DOCK1: variants seen among roughly 807,000 people sequenced by gnomAD.
The protein encoded by DOCK1 is dedicator of cytokinesis 1.
DOCK1 carries 138 observed loss-of-function variants against 262.7 expected under a neutral mutation model. The ratio of observed to expected loss-of-function variants is 0.53; its 90% CI spans 0.46 to 0.61. DOCK1 has a LOEUF of 0.61. Among genes scored for constraint, DOCK1 ranks in the 20% least tolerant of loss-of-function variants. The probability of loss-of-function intolerance (pLI) is 0.00; values close to 1 mark genes in which losing one functional copy is unlikely to be tolerated. For missense variants in DOCK1, 1,908 were observed against 2,370.7 expected, an observed-to-expected ratio of 0.80 and a Z score of 4.05; for synonymous variants, 866 against 867.4, an observed-to-expected ratio of 1.00 and a Z score of 0.03.
At chr10:127,445,226 G>A (rs1045817079) in intron 50 of DOCK1, among the ~76,000 whole-genome samples, 2 of 152,140 alleles carry the variant, frequency 1.3e-5, no homozygotes, top group Non-Finnish European at 2.9e-5. Flanking sequence ...GGATGGGGAC[G>A]GCAGCAGAAC....
intron 38 of DOCK1, among the ~76,000 whole-genome samples, chr10:127,393,766 C>T (rs61176465): frequency 0.055 from 8,301 of 152,186 alleles, 662 homozygotes; most frequent in East Asian, 0.28. Flanking sequence ...GCCTTTCCAC[C>T]GTTTTTTAAA....
At chr10:126,978,259 C>T (rs562531264) in intron 3 of DOCK1, among the ~76,000 whole-genome samples, 20 of 152,170 alleles carry the variant, frequency 1.3e-4, no homozygotes, top group African/African-American at 4.3e-4. Context: ...ATTTTGTGTC[C>T]TTTTTAGGTC....
At chr10:127,387,076 G>A (rs1565048154) in intron 38 of DOCK1, among the ~76,000 whole-genome samples, 1 of 152,208 alleles carries the variant, frequency 6.6e-6, no homozygotes, top group Non-Finnish European at 1.5e-5. Context: ...TGGGGTGGCC[G>A]GGAGGCCCGA....
chr10:127,430,431 A>G (rs1452215529), intron 47 of DOCK1, among the ~76,000 whole-genome samples: 1 of 152,164 alleles, frequency 6.6e-6, no homozygotes, highest in Non-Finnish European at 1.5e-5. Flanking sequence ...TTCCATGGTG[A>G]GGAGAAGCAG....
At chr10:127,314,726 A>G (rs562587521) in intron 29 of DOCK1, among the ~76,000 whole-genome samples, 10 of 152,328 alleles carry the variant, frequency 6.6e-5, no homozygotes, top group African/African-American at 1.4e-4. Flanking sequence ...TAGTCTTCCC[A>G]GACTTCTTCA....
Position 126,998,265 on chromosome 10 carries a change from T to C in DOCK1, c.767+16T>C. Reference sequence around the variant, plus strand: ...AATTCATCAGGTGGGTGACATTTCTTGGCTGCCGTCTTTCCTCTTTGGTTA... The same window carrying C: ...AATTCATCAGGTGGGTGACATTTCTCGGCTGCCGTCTTTCCTCTTTGGTTA... On this transcript the variant is annotated intron_variant, in intron 8 of 51. Coordinates refer to ENST00000623213, the MANE Select transcript of DOCK1 (RefSeq NM_001290223.2). 1 of 1,613,324 alleles carries C rather than the reference T, an allele frequency of 6.2e-7. No homozygotes were observed. The highest frequency in any genetic ancestry group is 8.5e-7 in the Non-Finnish European group (1 of 1,179,330).
intron 48 of DOCK1, among the ~76,000 whole-genome samples, chr10:127,436,898 C>A (rs896859809): frequency 1.3e-5 from 2 of 151,984 alleles, no homozygotes; most frequent in African/African-American, 4.8e-5. Context: ...TTGTACCTTG[C>A]ACTTGGTTGA....
chr10:126,908,795 A>T lies in DOCK1; in HGVS notation c.46+3232A>T, dbSNP rs183803649. The stretch of plus-strand genomic sequence containing the variant: ...ACTCAGCTGTCACACTGGCCAGATG[A>T]TCTTTTCTCTCACAGCCCAGTAGGC... On this transcript the variant is annotated intron_variant, in intron 1 of 51. Coordinates refer to ENST00000623213, the MANE Select transcript of DOCK1 (RefSeq NM_001290223.2). Among the ~76,000 whole-genome samples the T allele has an allele frequency of 1.6e-3, 242 of 152,232 alleles. 1 individual carries two copies. Among genetic ancestry groups the T allele is most frequent in the Non-Finnish European group, 2.7e-3 (185 of 68,022 alleles).
intron 30 of DOCK1, among the ~76,000 whole-genome samples, chr10:127,341,327 G>A (rs1374014751): frequency 6.6e-6 from 1 of 152,184 alleles, no homozygotes; most frequent in African/African-American, 2.4e-5. Context: ...AGCTAGCAGA[G>A]TCGCTACTTT....
At chr10:126,907,127 A>G (rs987715821) in intron 1 of DOCK1, among the ~76,000 whole-genome samples, 22 of 42,294 alleles carry the variant, frequency 5.2e-4, no homozygotes, top group Non-Finnish European at 9.7e-4. Context: ...TCTGCATCAG[A>G]GGCGAGAGGT....
At chr10:126,993,468 T>C (rs530861021) in intron 6 of DOCK1, among the ~76,000 whole-genome samples, 1 of 152,342 alleles carries the variant, frequency 6.6e-6, no homozygotes, top group African/African-American at 2.4e-5. Flanking sequence ...TCACTGACCC[T>C]GCCTGTACCA....
intron 38 of DOCK1, among the ~76,000 whole-genome samples, chr10:127,401,372 C>T (rs2067216326): frequency 2.6e-5 from 4 of 152,188 alleles, no homozygotes. Context: ...AGGCAAGTTT[C>T]AGAGCAGGAG....
At chr10:126,960,274 A>G (rs1397866959) in intron 1 of DOCK1, among the ~76,000 whole-genome samples, 1 of 151,898 alleles carries the variant, frequency 6.6e-6, no homozygotes, top group Non-Finnish European at 1.5e-5. Flanking sequence ...TGCAGGTGTG[A>G]GGTACAGAGA....
intron 13 of DOCK1, among the ~76,000 whole-genome samples, chr10:127,022,558 G>T (rs2042512889): frequency 6.6e-6 from 1 of 151,948 alleles, no homozygotes; most frequent in African/African-American, 2.4e-5. Flanking sequence ...ACGCCCAGTA[G>T]CTAATTTTTG....
chr10:126,975,249 A>G (rs2038431449), intron 2 of DOCK1, among the ~76,000 whole-genome samples: 1 of 152,082 alleles, frequency 6.6e-6, no homozygotes, highest in Admixed American at 6.6e-5. Context: ...CTCCCCGGGT[A>G]TGAGCACTTA....
At chr10:127,077,266 G>T (rs963580549) in intron 23 of DOCK1, among the ~76,000 whole-genome samples, 2 of 151,956 alleles carry the variant, frequency 1.3e-5, no homozygotes, top group African/African-American at 2.4e-5. Flanking sequence ...GTGGTGGTGG[G>T]CTCCTGTAAT....
chr10:127,317,835 C>G (rs553835019), intron 29 of DOCK1, among the ~76,000 whole-genome samples: 1 of 152,280 alleles, frequency 6.6e-6, no homozygotes. Context: ...TGGAAGATAC[C>G]TGAGCTCTTA....
In DOCK1 at chr10:127,052,695, T is replaced by A; in HGVS notation, c.2216T>A (p.Val739Glu). The A allele has an allele frequency of 2.5e-6, 4 of 1,613,990 alleles. No homozygotes were observed. Among genetic ancestry groups the A allele is most frequent in the Non-Finnish European group, 2.5e-6 (3 of 1,179,888 alleles). The stretch of plus-strand genomic sequence containing the variant: ...ATTGTGAATAGGAAGTTGACAAAAG[T>A]GTTGAAGAACTACGTGGACGGTGCT... ...ATLAYTKLTK[V>E]LKNYVDGAEK... The change falls in exon 22 of 52, where the codon GTG (valine) becomes GAG (glutamate). Residue 739 changes from valine (V) to glutamate (E), a missense_variant. This residue lies in a region of DOCK1 where 518 missense variants were observed against 575.1 expected (regional missense o/e 0.90). Coordinates refer to ENST00000623213, the MANE Select transcript of DOCK1 (RefSeq NM_001290223.2).
chr10:126,944,541 G>T (rs887308865), intron 1 of DOCK1, among the ~76,000 whole-genome samples: 1 of 152,130 alleles, frequency 6.6e-6, no homozygotes, highest in Non-Finnish European at 1.5e-5. Context: ...TGAGGAGCTG[G>T]AGTCCCAAAG....
Sources: gnomAD v4.1 joint callset for allele counts (sites outside exome capture counted in the v4.1 genomes callset) on GRCh38, gnomAD v4.1.1 for gene constraint, gnomAD v4.1.1 regional missense constraint, MANE v1.5 for transcripts, NCBI Gene and HGNC (gene_info 2026-07-23, HGNC 2026-07-21) for gene names.